Variants in FAAH2 observed in about 807,000 individuals in gnomAD.
FAAH2 encodes the protein fatty-acid amide hydrolase 2.
In FAAH2, 60 loss-of-function variants were observed where a neutral mutation model predicts 36.9. The observed-to-expected ratio is 1.63, with a 90% CI of 1.32 to 2.02. The LOEUF is 2.02. Ranked by LOEUF, FAAH2 falls within the 30% of genes most tolerant of loss-of-function variation. The pLI is 0.00. For missense variants in FAAH2, 689 were observed against 397.5 expected (o/e 1.73, Z -6.23); for synonymous variants, 214 against 143.8 (o/e 1.49, Z -3.49).
intron 5 of FAAH2, among the ~76,000 whole-genome samples, chrX:57,346,005 A>AT (rs1363797704): frequency 9.0e-6 from 1 of 111,119 alleles, no homozygotes; most frequent in African/African-American, 3.3e-5. Flanking sequence ...TATGATTTAA[A>AT]TTTTTTTGAA....
the FAAH2 span, among the ~76,000 whole-genome samples, chrX:57,165,383 C>A: frequency 1.8e-5 from 2 of 112,330 alleles, no homozygotes; most frequent in East Asian, 5.6e-4. Flanking sequence ...AGTTCATGTC[C>A]TTTGTAGGTA....
intron 10 of FAAH2, among the ~76,000 whole-genome samples, chrX:57,462,139 A>C (rs2056968252): frequency 1.1e-5 from 1 of 94,050 alleles, no homozygotes; most frequent in African/African-American, 3.9e-5. Flanking sequence ...ACAAGTTCTG[A>C]AATTAAGGCA....
At chrX:57,327,353 G>A (rs2053247475) in intron 3 of FAAH2, among the ~76,000 whole-genome samples, 1 of 109,398 alleles carries the variant, frequency 9.1e-6, no homozygotes, top group African/African-American at 3.3e-5. Context: ...TTTTTGTTCT[G>A]TTCTCTGTAT....
At chrX:57,304,478 A>G (rs911389645) in intron 2 of FAAH2, among the ~76,000 whole-genome samples, 2 of 111,745 alleles carry the variant, frequency 1.8e-5, no homozygotes, top group Non-Finnish European at 3.8e-5. Flanking sequence ...AGATCTTCTC[A>G]TTGTCATAAG....
intron 8 of FAAH2, among the ~76,000 whole-genome samples, chrX:57,445,462 G>A (rs1307083289): frequency 3.6e-5 from 4 of 111,361 alleles, no homozygotes; most frequent in African/African-American, 6.5e-5. Context: ...AGCACAGTAC[G>A]GGGTCTCATC....
At chrX:57,437,203 A>C (rs2147131714) in intron 8 of FAAH2, among the ~76,000 whole-genome samples, 1 of 111,417 alleles carries the variant, frequency 9.0e-6, no homozygotes, top group Non-Finnish European at 1.9e-5. Flanking sequence ...CAGTCTCAAC[A>C]ATCTAGGCAT....
chrX:57,370,551 G>A (rs774629163), intron 5 of FAAH2, among the ~76,000 whole-genome samples: 10 of 111,694 alleles, frequency 9.0e-5, no homozygotes, highest in African/African-American at 3.3e-4. Flanking sequence ...TTTCAGCAAT[G>A]AAATGATTAT....
the FAAH2 span, among the ~76,000 whole-genome samples, chrX:57,173,218 G>T: frequency 2.0e-4 from 22 of 112,339 alleles, no homozygotes; most frequent in African/African-American, 7.1e-4. Context: ...AGCATGGGAT[G>T]CATTTTTATT....
chrX:57,472,605 G>C (rs767162302), intron 10 of FAAH2, among the ~76,000 whole-genome samples: 9 of 110,955 alleles, frequency 8.1e-5, no homozygotes, highest in Admixed American at 1.9e-4. Context: ...GTCTGTTCCT[G>C]TTCTTTTGTT....
the FAAH2 span, among the ~76,000 whole-genome samples, chrX:57,179,795 C>T: frequency 1.1e-4 from 12 of 111,777 alleles, no homozygotes; most frequent in African/African-American, 3.9e-4. Context: ...AAATTCTCCA[C>T]CCAAAAGCAA....
intron 2 of FAAH2, among the ~76,000 whole-genome samples, chrX:57,293,525 A>G (rs1410738582): frequency 8.9e-6 from 1 of 112,103 alleles, no homozygotes; most frequent in African/African-American, 3.2e-5. Flanking sequence ...CCAAGCTTAC[A>G]TAACAGAACT....
chrX:57,241,162 T>C, the FAAH2 span, among the ~76,000 whole-genome samples: 2 of 111,902 alleles, frequency 1.8e-5, no homozygotes, highest in African/African-American at 6.5e-5. Context: ...TTCTGGAGGT[T>C]TGTGGACTCC....
rs142802368 is a variant in FAAH2, at chrX:57,359,762, C to A, written c.742+18372C>A. On this transcript the variant is annotated intron_variant, in intron 5 of 10. Coordinates refer to ENST00000374900, the MANE Select transcript of FAAH2 (RefSeq NM_174912.4). Reference sequence around the variant, plus strand: ...GATTTAATATCTGTCTGCGTATTTACCTCTACCAGAGATCTTTGTTATTTA... The same window carrying A: ...GATTTAATATCTGTCTGCGTATTTAACTCTACCAGAGATCTTTGTTATTTA... Among the ~76,000 whole-genome samples, 179 of 111,120 alleles carry A rather than the reference C, an allele frequency of 1.6e-3. 3 individuals carry two copies. In the East Asian group the frequency reaches 0.044, roughly 28 times the overall value.
chrX:57,258,364 A>G, the FAAH2 span, among the ~76,000 whole-genome samples: 1 of 111,415 alleles, frequency 9.0e-6, no homozygotes, highest in Admixed American at 9.6e-5. Flanking sequence ...AAGATTAAAA[A>G]CTCCATAATA....
intron 3 of FAAH2, among the ~76,000 whole-genome samples, chrX:57,325,387 T>A (rs982397479): frequency 1.8e-5 from 2 of 111,832 alleles, no homozygotes; most frequent in African/African-American, 6.5e-5. Context: ...TATTTTTCTA[T>A]TGATTGGAAT....
intron 7 of FAAH2, among the ~76,000 whole-genome samples, chrX:57,429,253 G>A (rs1269908703): frequency 9.3e-6 from 1 of 108,068 alleles, no homozygotes; most frequent in Non-Finnish European, 1.9e-5. Flanking sequence ...GCAGGAGAAT[G>A]GCGTGAACCT....
At chrX:57,227,206 G>C in the FAAH2 span, among the ~76,000 whole-genome samples, 2 of 110,709 alleles carry the variant, frequency 1.8e-5, no homozygotes, top group East Asian at 5.7e-4. Flanking sequence ...ACTCGGGTCG[G>C]GGGGTGTTGA....
At chrX:57,476,683 G>A (rs1270810468) in intron 10 of FAAH2, among the ~76,000 whole-genome samples, 2 of 111,223 alleles carry the variant, frequency 1.8e-5, no homozygotes, top group South Asian at 3.8e-4. Context: ...TTTGTTATCA[G>A]GAAGATGCTG....
chrX:57,393,070 T>A, intron 7 of FAAH2: 1 of 906,459 alleles, frequency 1.1e-6, no homozygotes, highest in Non-Finnish European at 1.6e-6. Context: ...AAGGTACCCT[T>A]GCCCCCTTCT....
Sources: gnomAD v4.1 joint callset for allele counts (sites outside exome capture counted in the v4.1 genomes callset) on GRCh38, gnomAD v4.1.1 for gene constraint, MANE v1.5 for transcripts, NCBI Gene and HGNC (gene_info 2026-07-23, HGNC 2026-07-21) for gene names.